IARS2: variants seen among roughly 807,000 people sequenced by gnomAD.
IARS2 encodes isoleucine--tRNA ligase, mitochondrial.
A neutral mutation model predicts 126.3 loss-of-function variants in IARS2; 56 were observed. The ratio of observed to expected loss-of-function variants is 0.44; its 90% CI spans 0.36 to 0.55. The LOEUF (loss-of-function observed/expected upper bound fraction) is 0.55, where lower values mean the gene tolerates loss of function less well. Among genes scored for constraint, IARS2 ranks in the 20% least tolerant of loss-of-function variants. The probability of loss-of-function intolerance (pLI) is 0.00; values close to 1 mark genes in which losing one functional copy is unlikely to be tolerated. For missense variants in IARS2, 1,127 were observed against 1,245.9 expected (o/e 0.90, Z 1.44); for synonymous variants, 407 against 441.1 (o/e 0.92, Z 0.97).
At chr1:220,134,208 A>G (rs1657321970) in intron 14 of IARS2, among the ~76,000 whole-genome samples, 194 bp from the exon 15 acceptor site, 1 of 152,226 alleles carries the variant, frequency 6.6e-6, no homozygotes, top group South Asian at 2.1e-4. Flanking sequence ...GTCACGTGAT[A>G]CATCTCTGTC....
chr1:220,146,879 C>T (rs1474522663), intron 22 of IARS2, among the ~76,000 whole-genome samples: 7 of 152,136 alleles, frequency 4.6e-5, no homozygotes, highest in African/African-American at 1.7e-4. Context: ...ACCATGTTGG[C>T]CAGGCTGGTC....
intron 11 of IARS2, among the ~76,000 whole-genome samples, chr1:220,111,461 CAA>C (rs1656797725): frequency 6.6e-6 from 1 of 151,828 alleles, no homozygotes; most frequent in Non-Finnish European, 1.5e-5. Flanking sequence ...GAAAAACTAA[CAA>C]TATGAAAAAT....
rs72631834 is a variant in IARS2 at position 220,117,950 on chromosome 1, A to G, written c.1640+3476A>G. ...TTCATAGGTCATTTTCCTGTATACC[A>G]TTTCTGAATGATGACTTTAATCCTC... On this transcript the variant is annotated intron_variant, in intron 12 of 22. Coordinates refer to ENST00000366922, the MANE Select transcript of IARS2 (RefSeq NM_018060.4). 1.7e-3 allele frequency: 853 copies of G among 506,154 alleles called. 5 individuals carry two copies. Among genetic ancestry groups the G allele is most frequent in the Non-Finnish European group, 2.3e-3 (561 of 242,532 alleles). 31.4% of individuals were successfully genotyped at this position (506,154 alleles called of 1,614,324 possible).
rs758172073 is a variant in IARS2, at chr1:220,094,298, C to T, written c.82C>T (p.Pro28Ser). The T allele has an allele frequency of 3.1e-6, 5 of 1,612,010 alleles. No homozygotes were observed. Among genetic ancestry groups the T allele is most frequent in the Non-Finnish European group, 4.2e-6 (5 of 1,179,252 alleles). ...ARSLWGTPRL[P>S]CSPGWQGATK... The stretch of plus-strand genomic sequence containing the variant: ...AAGTTTGTGGGGGACGCCCCGCCTT[C>T]CCTGCAGCCCGGGATGGCAAGGGGC... Residue 28 changes from proline to serine, a missense_variant, in exon 1 of 23, where the codon CCC (proline) becomes TCC (serine). Pro to Ser is a moderately conservative substitution (Grantham distance 74). Coordinates refer to ENST00000366922, the MANE Select transcript of IARS2 (RefSeq NM_018060.4).
In IARS2 at chr1:220,102,252, G is replaced by T; in HGVS notation, c.674G>T (p.Arg225Ile). 1 of 1,608,612 alleles carries T rather than the reference G, an allele frequency of 6.2e-7. No homozygotes were observed. Among genetic ancestry groups the T allele is most frequent in the South Asian group, 1.1e-5 (1 of 89,412 alleles). The change falls in exon 4 of 23, where the codon AGA becomes ATA. Residue 225 changes from arginine to isoleucine, a missense_variant. Arg to Ile is a moderately conservative substitution (Grantham distance 97, BLOSUM62 -3). Coordinates refer to ENST00000366922, the MANE Select transcript of IARS2 (RefSeq NM_018060.4). ...GGGAAGTATGAAGCCAAACAGTTGA[G>T]AACTTTTTACCAAATGTATGATAAG... The part of the protein sequence containing the change: ...FDGKYEAKQL[R>I]TFYQMYDKGL...
intron 14 of IARS2, among the ~76,000 whole-genome samples, chr1:220,129,370 T>C (rs1657215269): frequency 6.6e-6 from 1 of 151,440 alleles, no homozygotes; most frequent in Non-Finnish European, 1.5e-5. Context: ...GGTGGGAACA[T>C]TTTATATCTT....
At chr1:220,096,773 G>T (rs984142870) in intron 2 of IARS2, among the ~76,000 whole-genome samples, 1 of 152,148 alleles carries the variant, frequency 6.6e-6, no homozygotes, top group African/African-American at 2.4e-5. Context: ...GAGACCAGGC[G>T]CAGTGGCTCA....
intron 12 of IARS2, among the ~76,000 whole-genome samples, chr1:220,116,361 G>A (rs1656913537): frequency 6.6e-6 from 1 of 152,144 alleles, no homozygotes; most frequent in East Asian, 1.9e-4. Context: ...TATTAGGGAG[G>A]CTTTGAGTGT....
chr1:220,106,555 T>C (rs1389022940), intron 9 of IARS2, among the ~76,000 whole-genome samples: 1 of 152,174 alleles, frequency 6.6e-6, no homozygotes, highest in Non-Finnish European at 1.5e-5. Context: ...ATGGATATGC[T>C]TCAATAACAC....
At chr1:220,097,359 TTTTTTC>T (rs1432586126) in intron 2 of IARS2, among the ~76,000 whole-genome samples, 1 of 133,028 alleles carries the variant, frequency 7.5e-6, no homozygotes, top group Non-Finnish European at 1.5e-5. Context: ...CCAACAGTTC[TTTTTTC>T]TTTTTTTTTT....
intron 14 of IARS2, 26 bp from the exon 15 acceptor site, chr1:220,134,376 T>G: frequency 6.7e-7 from 1 of 1,494,616 alleles, no homozygotes; most frequent in Non-Finnish European, 9.0e-7. Flanking sequence ...TCTGGGTTTT[T>G]TTTTCTTTTA....
At position 220,094,456 on chromosome 1, in the gene IARS2, G is replaced by A. The variant is rs1656394260; in HGVS notation, c.240G>A (p.Gln80=). The stretch of plus-strand genomic sequence containing the variant: ...CCATGAAGCTGCTGGGCCGCCAGCA[G>A]CCGGACACGGAGCTGGAGATCCAGC... ...SFPMKLLGRQ[Q]PDTELEIQQK... is the part of the protein sequence containing the mutation. The change falls in exon 1 of 23, where the codon CAG becomes CAA. Residue 80 remains glutamine (Q), a synonymous_variant. Transcript: ENST00000366922. 6.2e-7 allele frequency: 1 copy of A among 1,610,152 alleles called. No individual in the cohort carries two copies. Among genetic ancestry groups the A allele is most frequent in the South Asian group, 1.1e-5 (1 of 90,790 alleles).
intron 12 of IARS2, among the ~76,000 whole-genome samples, chr1:220,123,609 G>A (rs571334098): frequency 2.2e-3 from 335 of 152,260 alleles, no homozygotes; most frequent in African/African-American, 7.8e-3. Context: ...AGGTAGCTGG[G>A]ACTACAGGCG....
intron 18 of IARS2, 39 bp downstream of exon 18, chr1:220,139,178 T>C (rs1270328770): frequency 6.4e-7 from 1 of 1,563,990 alleles, no homozygotes; most frequent in Non-Finnish European, 8.7e-7. Flanking sequence ...ACTAGAAATA[T>C]CAGCACTATT....
intron 12 of IARS2, among the ~76,000 whole-genome samples, chr1:220,123,090 GT>G (rs1025444800): frequency 2.1e-5 from 3 of 143,390 alleles, no homozygotes; most frequent in African/African-American, 7.6e-5. Flanking sequence ...TAATCTTTTT[GT>G]TTTTTTTTTC....
chr1:220,128,262 G>A (rs1465348706), intron 14 of IARS2, among the ~76,000 whole-genome samples: 2 of 139,982 alleles, frequency 1.4e-5, no homozygotes, highest in Admixed American at 7.4e-5. Flanking sequence ...GGGCTGGGGG[G>A]TTGGTGGGTC....
intron 14 of IARS2, among the ~76,000 whole-genome samples, chr1:220,132,860 T>A (rs1234994819): frequency 1.3e-5 from 2 of 152,084 alleles, no homozygotes; most frequent in Non-Finnish European, 2.9e-5. Flanking sequence ...TTTTGTTTAT[T>A]TGGATCTTCT....
At chr1:220,100,708 T>C (rs1406569478) in intron 3 of IARS2, 59 bp downstream of exon 3, 60 of 1,341,370 alleles carry the variant, frequency 4.5e-5, no homozygotes, top group Non-Finnish European at 6.1e-5. Flanking sequence ...GTCCTTGAAA[T>C]AGTCAGAACT....
rs545581767 is a variant in IARS2 at position 220,147,708 on chromosome 1, T to C, written c.*73T>C. The C allele has an allele frequency of 7.9e-6, 12 of 1,519,854 alleles. No homozygotes were observed. The Admixed American group carries it at 1.2e-4, about 15-fold the overall frequency. The allele number at this position is 1,519,854 out of a possible 1,614,324, so 94.1% of individuals were successfully genotyped here. A position where few individuals can be genotyped will look rare whatever the true frequency, so the allele number is the denominator to read the frequency against. Reference sequence around the variant, plus strand: ...AAGTTTGGATGGATTATTTACAATATAGGAAAGAAAGCCAAGATTTAGGTA... The same window carrying C: ...AAGTTTGGATGGATTATTTACAATACAGGAAAGAAAGCCAAGATTTAGGTA... On this transcript the variant is annotated 3_prime_UTR_variant, in exon 23 of 23. Transcript: ENST00000366922.
Sources: gnomAD v4.1 joint callset for allele counts (sites outside exome capture counted in the v4.1 genomes callset) on GRCh38, gnomAD v4.1.1 for gene constraint, MANE v1.5 for transcripts, NCBI Gene and HGNC (gene_info 2026-07-23, HGNC 2026-07-21) for gene names.